ULK4: variants seen among roughly 807,000 people sequenced by gnomAD.
The protein encoded by ULK4 is unc-51 like kinase 4, also known as inactive serine/threonine-protein kinase ULK4.
ULK4 carries 133 observed loss-of-function variants against 160.6 expected under a neutral mutation model. That is an observed-to-expected ratio of 0.83 (90% confidence interval 0.72 to 0.96). The LOEUF (loss-of-function observed/expected upper bound fraction) is 0.96. Among genes scored for constraint, ULK4 ranks in the 40% least tolerant of loss-of-function variants. The pLI is 0.00. For synonymous variants in ULK4, 534 were observed against 539.8 expected (o/e 0.99, Z 0.15); for missense variants, 1,580 against 1,499.5 (o/e 1.05, Z -0.89).
At chr3:41,808,187 C>G (rs1010560998) in intron 19 of ULK4, among the ~76,000 whole-genome samples, 1 of 152,070 alleles carries the variant, frequency 6.6e-6, no homozygotes, top group Admixed American at 6.5e-5. Context: ...TAATATTTTG[C>G]CCCATATGCC....
intron 35 of ULK4, among the ~76,000 whole-genome samples, chr3:41,263,151 T>G (rs1033306822): frequency 1.4e-5 from 2 of 140,110 alleles, no homozygotes; most frequent in Non-Finnish European, 3.0e-5. Context: ...AAAAAATACT[T>G]GGGGTGGTAA....
chr3:41,698,467 C>T (rs968344859), intron 27 of ULK4, among the ~76,000 whole-genome samples: 2 of 152,066 alleles, frequency 1.3e-5, no homozygotes, highest in Admixed American at 6.5e-5. Flanking sequence ...AGAGGCAATG[C>T]TCATTAGAGA....
intron 30 of ULK4, among the ~76,000 whole-genome samples, chr3:41,622,721 C>A (rs1406490701): frequency 6.6e-6 from 1 of 152,078 alleles, no homozygotes; most frequent in Non-Finnish European, 1.5e-5. Flanking sequence ...ACCTATGTAA[C>A]AAACTTGCAT....
intron 35 of ULK4, among the ~76,000 whole-genome samples, chr3:41,393,883 A>G (rs2082003874): frequency 6.6e-6 from 1 of 152,108 alleles, no homozygotes; most frequent in Non-Finnish European, 1.5e-5. Flanking sequence ...GGCTGGAGCA[A>G]TCCAACCTGG....
chr3:41,297,113 T>A (rs1371871470), intron 35 of ULK4, among the ~76,000 whole-genome samples: 1 of 152,202 alleles, frequency 6.6e-6, no homozygotes, highest in Admixed American at 6.5e-5. Context: ...ATGTGCTCTC[T>A]TTGCTTCACT....
At chr3:41,822,944 G>C (rs138432055) in intron 18 of ULK4, among the ~76,000 whole-genome samples, 2 of 148,538 alleles carry the variant, frequency 1.3e-5, no homozygotes, top group Non-Finnish European at 3.0e-5. Flanking sequence ...GGATGGTCTC[G>C]ATCTCTTGAC....
At chr3:41,298,784 C>T (rs545547548) in intron 35 of ULK4, among the ~76,000 whole-genome samples, 3 of 152,250 alleles carry the variant, frequency 2.0e-5, no homozygotes, top group African/African-American at 7.2e-5. Context: ...AGGATGGGCA[C>T]CATGACCAAC....
At chr3:41,409,525 AACTC>A (rs1198238029) in intron 34 of ULK4, among the ~76,000 whole-genome samples, 1 of 152,206 alleles carries the variant, frequency 6.6e-6, no homozygotes, top group Non-Finnish European at 1.5e-5. Context: ...TATTTCTTAC[AACTC>A]ACTAATTTTA....
At chr3:41,883,586 A>G (rs994198575) in intron 17 of ULK4, among the ~76,000 whole-genome samples, 1 of 152,268 alleles carries the variant, frequency 6.6e-6, no homozygotes, top group African/African-American at 2.4e-5. Context: ...GACAGACTAT[A>G]AGAAAACTAG....
chr3:41,407,669 T>A (rs950039701), intron 34 of ULK4, among the ~76,000 whole-genome samples: 9 of 152,118 alleles, frequency 5.9e-5, no homozygotes, highest in African/African-American at 1.4e-4. Context: ...TTCACAAAAC[T>A]AACTATTAAA....
At chr3:41,749,311 C>G (rs567400873) in intron 22 of ULK4, among the ~76,000 whole-genome samples, 1 of 152,074 alleles carries the variant, frequency 6.6e-6, no homozygotes, top group African/African-American at 2.4e-5. Context: ...GGTGAAACCC[C>G]GTCCCTACTA....
chr3:41,434,712 C>T (rs1348183645), intron 34 of ULK4, among the ~76,000 whole-genome samples: 1 of 152,106 alleles, frequency 6.6e-6, no homozygotes, highest in Non-Finnish European at 1.5e-5. Context: ...ATCAGGATGA[C>T]CAATTCATTT....
chr3:41,724,138 G>A (rs564820961), intron 22 of ULK4, among the ~76,000 whole-genome samples: 7 of 152,242 alleles, frequency 4.6e-5, no homozygotes, highest in African/African-American at 1.7e-4. Context: ...ATGTCTGCTG[G>A]TATTCATCCA....
chr3:41,712,671 C>G (rs1267855200), intron 25 of ULK4, among the ~76,000 whole-genome samples: 2 of 152,180 alleles, frequency 1.3e-5, no homozygotes, highest in Admixed American at 6.5e-5. Context: ...GGGTGGATTA[C>G]TTGAGTCCAG....
At position 41,321,937 on chromosome 3, in the gene ULK4, CA is replaced by C. The variant is rs1435004414; in HGVS notation, c.3679-72364del. 5.4e-4 allele frequency among the ~76,000 whole-genome samples: 79 copies of C among 145,032 alleles called. 13 individuals are homozygous for C. The highest frequency in any genetic ancestry group is 2.1e-3 in the African/African-American group (78 of 37,366). Reference sequence around the variant, plus strand: ...TATGCCAACCTACAAGACCTCAAGTCAAACCACACACTTGAATCTCTCAAGT... The same window carrying C: ...TATGCCAACCTACAAGACCTCAAGTCAACCACACACTTGAATCTCTCAAGT... On this transcript the variant is annotated intron_variant, in intron 35 of 36. Coordinates refer to ENST00000301831, the MANE Select transcript of ULK4 (RefSeq NM_017886.4).
chr3:41,635,016 C>T (rs892831819), intron 30 of ULK4, among the ~76,000 whole-genome samples: 31 of 151,954 alleles, frequency 2.0e-4, no homozygotes, highest in Admixed American at 5.9e-4. Context: ...TGATGGAAGG[C>T]GAAAGAACAT....
At chr3:41,929,463 T>C (rs1699508014) in intron 5 of ULK4, among the ~76,000 whole-genome samples, 1 of 152,202 alleles carries the variant, frequency 6.6e-6, no homozygotes, top group African/African-American at 2.4e-5. Flanking sequence ...ACCATTCCTA[T>C]TCAACATAGT....
intron 21 of ULK4, among the ~76,000 whole-genome samples, chr3:41,771,762 G>A (rs755138744): frequency 2.0e-5 from 3 of 152,040 alleles, no homozygotes; most frequent in Admixed American, 6.6e-5. Context: ...AAGAAAAAAC[G>A]TAAAACATTA....
At chr3:41,442,897 C>G (rs1417541349) in intron 34 of ULK4, among the ~76,000 whole-genome samples, 1 of 152,184 alleles carries the variant, frequency 6.6e-6, no homozygotes, top group East Asian at 1.9e-4. Flanking sequence ...AAACACTTAT[C>G]AAGAGTAGTT....
Sources: gnomAD v4.1 joint callset for allele counts (sites outside exome capture counted in the v4.1 genomes callset) on GRCh38, gnomAD v4.1.1 for gene constraint, MANE v1.5 for transcripts, NCBI Gene and HGNC (gene_info 2026-07-23, HGNC 2026-07-21) for gene names.